Variants in EHHADH observed in about 807,000 individuals in gnomAD.
The protein encoded by EHHADH is enoyl-CoA hydratase and 3-hydroxyacyl CoA dehydrogenase.
A neutral mutation model predicts 64.4 loss-of-function variants in EHHADH; 48 were observed. The ratio of observed to expected loss-of-function variants is 0.75; its 90% CI spans 0.59 to 0.95. EHHADH has a LOEUF of 0.95. Ranked by LOEUF, EHHADH falls within the 40% of genes least tolerant of loss-of-function variation. The pLI is 0.00. For synonymous variants in EHHADH, 308 were observed against 326.7 expected, an observed-to-expected ratio of 0.94 and a Z score of 0.62; for missense variants, 854 against 876.6, an observed-to-expected ratio of 0.97 and a Z score of 0.33.
In EHHADH at chr3:185,250,406, A is replaced by G. The variant is rs74923593; in HGVS notation, c.75-1889T>C. ...ATTCAGCAAGTGAGCTCAAAGTCAC[A>G]AAGACCAAGAGAGAAAATTTGTGAA... On this transcript the variant is annotated intron_variant, in intron 1 of 6. Coordinates refer to ENST00000231887, the MANE Select transcript of EHHADH (RefSeq NM_001966.4). Among the ~76,000 whole-genome samples, 807 of 152,330 alleles carry G rather than the reference A, an allele frequency of 5.3e-3. 10 individuals are homozygous for G. Among genetic ancestry groups the G allele is most frequent in the African/African-American group, 0.019 (773 of 41,568 alleles).
intron 2 of EHHADH, among the ~76,000 whole-genome samples, chr3:185,243,272 G>T (rs184087843): frequency 2.0e-3 from 305 of 152,260 alleles, no homozygotes; most frequent in African/African-American, 7.2e-3. Context: ...GGGTCCTCTT[G>T]GGATTCCTGA....
chr3:185,220,100 A>T (rs1343468025), intron 4 of EHHADH, among the ~76,000 whole-genome samples: 3 of 152,170 alleles, frequency 2.0e-5, no homozygotes, highest in Non-Finnish European at 4.4e-5. Flanking sequence ...GGACATGGAA[A>T]CCTGGATATT....
intron 2 of EHHADH, among the ~76,000 whole-genome samples, chr3:185,240,991 T>C (rs923793390): frequency 7.0e-6 from 1 of 143,264 alleles, no homozygotes; most frequent in Non-Finnish European, 1.5e-5. Flanking sequence ...CCAAAGTCCA[T>C]TGTATCATTC....
intron 2 of EHHADH, among the ~76,000 whole-genome samples, chr3:185,242,729 C>A (rs936469725): frequency 6.6e-6 from 1 of 152,196 alleles, no homozygotes; most frequent in Non-Finnish European, 1.5e-5. Flanking sequence ...CCCCATCTAA[C>A]AGCACTGAGT....
intron 6 of EHHADH, among the ~76,000 whole-genome samples, chr3:185,197,995 C>T (rs1196581210): frequency 6.6e-6 from 1 of 152,088 alleles, no homozygotes; most frequent in Non-Finnish European, 1.5e-5. Context: ...TGGGATTTCA[C>T]CATGTTGGTC....
chr3:185,245,988 C>CT, intron 2 of EHHADH: 2 of 1,491,450 alleles, frequency 1.3e-6, no homozygotes, highest in Non-Finnish European at 1.9e-6. Context: ...ATACCATCAT[C>CT]TTTTTTGCTA....
intron 6 of EHHADH, 77 bp from the exon 7 acceptor site, chr3:185,193,564 G>A: frequency 2.0e-6 from 3 of 1,503,604 alleles, no homozygotes; most frequent in Non-Finnish European, 1.8e-6. Context: ...TGGATGGAAG[G>A]CTTATGTGAC....
At chr3:185,193,678 G>C (rs1032429605) in intron 6 of EHHADH, among the ~76,000 whole-genome samples, 191 bp from the exon 7 acceptor site, 1 of 152,080 alleles carries the variant, frequency 6.6e-6, no homozygotes, top group Admixed American at 6.6e-5. Flanking sequence ...AAATTAGTCA[G>C]ATTCACACAC....
chr3:185,193,185 A>T lies in EHHADH; in HGVS notation c.1213T>A (p.Phe405Ile). Residue 405 changes from phenylalanine (F) to isoleucine (I), a missense_variant, in exon 7 of 7, where the codon TTT becomes ATT. Physicochemically the swap from Phe to Ile is conservative, Grantham distance 21 (BLOSUM62 0). Transcript: ENST00000231887. ...ELSAVCKPEAFLCTNTSALDV... is the reference protein window; with the variant it reads ...ELSAVCKPEAILCTNTSALDV... Reference sequence around the variant, plus strand: ...AGGGCTGAAGTATTAGTGCACAAAAATGCTTCTGGTTTGCACACAGCTGAG... The same window carrying T: ...AGGGCTGAAGTATTAGTGCACAAAATTGCTTCTGGTTTGCACACAGCTGAG... 6.2e-7 allele frequency: 1 copy of T among 1,613,062 alleles called. No individual in the cohort carries two copies. The highest frequency in any genetic ancestry group is 2.2e-5 in the East Asian group (1 of 44,872).
chr3:185,209,418 A>G (rs1718480653), intron 5 of EHHADH, among the ~76,000 whole-genome samples: 1 of 152,246 alleles, frequency 6.6e-6, no homozygotes, highest in Non-Finnish European at 1.5e-5. Context: ...AACAACTTAC[A>G]GTTACCAAAA....
intron 6 of EHHADH, among the ~76,000 whole-genome samples, chr3:185,199,399 G>A (rs1229405853): frequency 1.3e-5 from 2 of 152,172 alleles, no homozygotes; most frequent in African/African-American, 2.4e-5. Flanking sequence ...GTGATTGGGG[G>A]AAATGTGGGT....
At chr3:185,241,994 C>G (rs902341451) in intron 2 of EHHADH, among the ~76,000 whole-genome samples, 4 of 152,092 alleles carry the variant, frequency 2.6e-5, no homozygotes, top group Non-Finnish European at 5.9e-5. Flanking sequence ...GATGAGGATC[C>G]AATTTCATTC....
chr3:185,248,632 G>A (rs997499638), intron 1 of EHHADH, 115 bp from the exon 2 acceptor site: 3 of 671,752 alleles, frequency 4.5e-6, no homozygotes, highest in Non-Finnish European at 7.5e-6. Context: ...GATAAAAACT[G>A]TAGATACTTC....
At chr3:185,219,706 T>C in intron 4 of EHHADH, among the ~76,000 whole-genome samples, 1 of 152,126 alleles carries the variant, frequency 6.6e-6, no homozygotes, top group East Asian at 1.9e-4. Flanking sequence ...CATCTTGCCT[T>C]CTGAAAAGCA....
chr3:185,234,272 T>C (rs1719221589), intron 3 of EHHADH, among the ~76,000 whole-genome samples: 1 of 152,202 alleles, frequency 6.6e-6, no homozygotes, highest in African/African-American at 2.4e-5. Context: ...TATTTACTAG[T>C]TTTGTGCTAT....
intron 5 of EHHADH, among the ~76,000 whole-genome samples, chr3:185,217,547 GAAA>G (rs755192275): frequency 1.1e-5 from 1 of 88,100 alleles, no homozygotes; most frequent in Non-Finnish European, 2.1e-5. Flanking sequence ...CTCTGTCTCA[GAAA>G]AAAAAAAAAA....
chr3:185,202,323 A>T (rs1718252266), intron 6 of EHHADH, among the ~76,000 whole-genome samples: 1 of 139,356 alleles, frequency 7.2e-6, no homozygotes, highest in African/African-American at 2.7e-5. Flanking sequence ...TGGGTGACAG[A>T]GCGAAACTCC....
In EHHADH at chr3:185,190,717, G is replaced by A. The variant is rs145307248; in HGVS notation, c.*1509C>T. On this transcript the variant is annotated 3_prime_UTR_variant, in exon 7 of 7. Coordinates refer to ENST00000231887, the MANE Select transcript of EHHADH (RefSeq NM_001966.4). The stretch of plus-strand genomic sequence containing the variant: ...AGTACACATTTCAAACATAATAATT[G>A]TGCTCTGTACAATTCAAGGCACACT... 95 of 152,170 alleles carry A rather than the reference G, an allele frequency of 6.2e-4. No individual in the cohort carries two copies. The highest frequency in any genetic ancestry group is 2.2e-3 in the African/African-American group (92 of 41,516). 9.4% of individuals were successfully genotyped at this position (152,170 alleles called of 1,614,324 possible).
intron 2 of EHHADH, among the ~76,000 whole-genome samples, chr3:185,242,269 C>A (rs936380690): frequency 6.6e-6 from 1 of 152,010 alleles, no homozygotes; most frequent in East Asian, 1.9e-4. Context: ...TTCAATGCAA[C>A]CCCCATCAAA....
Sources: allele counts gnomAD v4.1 joint callset (sites outside exome capture counted in the v4.1 genomes callset), GRCh38; gene constraint gnomAD v4.1.1; transcripts MANE v1.5; gene names NCBI Gene and HGNC (gene_info 2026-07-23, HGNC 2026-07-21).